The following ARHGEF12 variants were observed in gnomAD, a reference collection of about 807,000 sequenced individuals.
ARHGEF12 encodes Rho guanine nucleotide exchange factor 12, also known as KMT2A/ARHGEF12 fusion protein.
Under a neutral mutation model 211.2 loss-of-function variants are expected in ARHGEF12, and 66 were observed. That is an observed-to-expected ratio of 0.31 (90% confidence interval 0.26 to 0.38). The LOEUF (loss-of-function observed/expected upper bound fraction) is 0.38, where lower values mean the gene tolerates loss of function less well. ARHGEF12 is among the 10% of genes least tolerant of loss of function. The pLI, the probability that ARHGEF12 is intolerant of heterozygous loss-of-function variation, is 1.00. For synonymous variants in ARHGEF12, 592 were observed against 638.4 expected, an observed-to-expected ratio of 0.93 and a Z score of 1.09; for missense variants, 1,429 against 1,869.5, an observed-to-expected ratio of 0.76 and a Z score of 4.34.
At chr11:120,445,343 C>T in intron 15 of ARHGEF12, 79 bp from the exon 16 acceptor site, 4 of 1,430,176 alleles carry the variant, frequency 2.8e-6, no homozygotes, top group Non-Finnish European at 3.9e-6. Flanking sequence ...AGTTGTATCC[C>T]CTTACTTTAC....
At chr11:120,436,331 T>A (rs1413598051) in intron 11 of ARHGEF12, among the ~76,000 whole-genome samples, 2 of 152,240 alleles carry the variant, frequency 1.3e-5, no homozygotes, top group African/African-American at 2.4e-5. Context: ...TTGAAAGTGC[T>A]GTTTTCTCTT....
intron 12 of ARHGEF12, chr11:120,439,908 C>A (rs1272703655): frequency 1.1e-5 from 5 of 467,358 alleles, no homozygotes; most frequent in Admixed American, 3.9e-5. Flanking sequence ...TTTTTCCCCC[C>A]AAAAAAAACT....
chr11:120,456,498 T>C (rs1028532048), intron 22 of ARHGEF12, among the ~76,000 whole-genome samples: 11 of 152,220 alleles, frequency 7.2e-5, no homozygotes, highest in Middle Eastern at 3.4e-3. Context: ...GAAATAGATA[T>C]TAACTAAAGA....
chr11:120,442,345 AC>A, intron 15 of ARHGEF12, 143 bp downstream of exon 15: 1 of 536,598 alleles, frequency 1.9e-6, no homozygotes, highest in East Asian at 3.9e-5. Context: ...ATTACTCTAG[AC>A]TTTTTTTTTT....
intron 1 of ARHGEF12, among the ~76,000 whole-genome samples, chr11:120,348,045 T>C (rs1942820797): frequency 6.6e-6 from 1 of 152,196 alleles, no homozygotes; most frequent in Non-Finnish European, 1.5e-5. Context: ...TATATTAAAG[T>C]AGTCTTTATA....
At chr11:120,406,793 CGT>C (rs1944718749) in intron 2 of ARHGEF12, among the ~76,000 whole-genome samples, 1 of 152,044 alleles carries the variant, frequency 6.6e-6, no homozygotes, top group Non-Finnish European at 1.5e-5. Flanking sequence ...CTCCTGACCT[CGT>C]GATTCGCCCG....
chr11:120,345,368 A>G (rs957320625), intron 1 of ARHGEF12, among the ~76,000 whole-genome samples: 1 of 152,208 alleles, frequency 6.6e-6, no homozygotes, highest in Non-Finnish European at 1.5e-5. Flanking sequence ...ACAAAACACT[A>G]TATTGCTTTG....
intron 29 of ARHGEF12, among the ~76,000 whole-genome samples, chr11:120,467,820 C>T (rs1423992409): frequency 6.6e-6 from 1 of 152,214 alleles, no homozygotes; most frequent in East Asian, 1.9e-4. Context: ...CGGGGTATAT[C>T]AAACTATGAA....
Position 120,336,953 on chromosome 11 carries a change from T to A in ARHGEF12, c.-291T>A. ...CCCACTGCGCGCGGATTTCCCTCTC[T>A]GAGGAAGTTTATCCTTGTGCCTTCT... On this transcript the variant is annotated 5_prime_UTR_variant, in exon 1 of 41. Coordinates refer to ENST00000397843, the MANE Select transcript of ARHGEF12 (RefSeq NM_015313.3). The A allele has an allele frequency of 2.2e-6, 1 of 448,864 alleles. No individual in the cohort carries two copies. The highest frequency in any genetic ancestry group is 5.3e-5 in the South Asian group (1 of 18,966). The allele number at this position is 448,864 out of a possible 1,614,324, so 27.8% of individuals were successfully genotyped here. A position where few individuals can be genotyped will look rare whatever the true frequency, so the allele number is the denominator to read the frequency against.
At chr11:120,351,489 A>G in intron 1 of ARHGEF12, among the ~76,000 whole-genome samples, 1 of 97,970 alleles carries the variant, frequency 1.0e-5, no homozygotes, top group Non-Finnish European at 1.9e-5. Context: ...TTTGAGACAA[A>G]GTCTCGCTCT....
intron 15 of ARHGEF12, 96 bp from the exon 16 acceptor site, chr11:120,445,326 G>A: frequency 8.7e-7 from 1 of 1,143,394 alleles, no homozygotes; most frequent in Admixed American, 1.7e-5. Flanking sequence ...TGTAGAGTGG[G>A]TATCCAAGTT....
chr11:120,436,101 G>A (rs938673544), intron 11 of ARHGEF12, among the ~76,000 whole-genome samples: 6 of 152,084 alleles, frequency 3.9e-5, no homozygotes, highest in African/African-American at 1.4e-4. Flanking sequence ...CAAGTGGGAA[G>A]GGTATATGTG....
chr11:120,459,952 C>T (rs1381906999), intron 26 of ARHGEF12, among the ~76,000 whole-genome samples: 7 of 152,174 alleles, frequency 4.6e-5, no homozygotes, highest in Non-Finnish European at 2.9e-5. Context: ...AAGTGATCCA[C>T]CCGCCTGCCT....
intron 20 of ARHGEF12, 32 bp from the exon 21 acceptor site, chr11:120,449,077 C>G: frequency 6.4e-7 from 1 of 1,570,594 alleles, no homozygotes; most frequent in Non-Finnish European, 8.7e-7. Flanking sequence ...TACTCTGTTA[C>G]GTATCTCTTA....
intron 1 of ARHGEF12, among the ~76,000 whole-genome samples, chr11:120,388,429 A>G (rs191804857): frequency 1.2e-4 from 18 of 152,338 alleles, no homozygotes; most frequent in Admixed American, 1.0e-3. Flanking sequence ...TGCTTTGGAC[A>G]TTCATGTACA....
At chr11:120,428,396 A>G in intron 8 of ARHGEF12, 149 bp downstream of exon 8, 1 of 680,196 alleles carries the variant, frequency 1.5e-6, no homozygotes, top group African/African-American at 1.9e-5. Flanking sequence ...ACATAATAGG[A>G]ATGATTAGAA....
intron 15 of ARHGEF12, among the ~76,000 whole-genome samples, chr11:120,443,649 T>C (rs752522657): frequency 4.7e-4 from 71 of 152,308 alleles, no homozygotes; most frequent in Non-Finnish European, 2.2e-4. Context: ...CCCTTTCACT[T>C]TGTCACTTTT....
chr11:120,341,799 A>G (rs779091771), intron 1 of ARHGEF12, among the ~76,000 whole-genome samples: 1 of 152,204 alleles, frequency 6.6e-6, no homozygotes, highest in Non-Finnish European at 1.5e-5. Flanking sequence ...CCTGAGCTTT[A>G]TTTGAAGACA....
intron 1 of ARHGEF12, among the ~76,000 whole-genome samples, chr11:120,371,996 GA>G (rs1257661205): frequency 6.6e-6 from 1 of 152,190 alleles, no homozygotes; most frequent in African/African-American, 2.4e-5. Flanking sequence ...GATTTCTTTG[GA>G]AAAACTAAAC....
Sources: allele counts gnomAD v4.1 joint callset (sites outside exome capture counted in the v4.1 genomes callset), GRCh38; gene constraint gnomAD v4.1.1; transcripts MANE v1.5; gene names NCBI Gene and HGNC (gene_info 2026-07-23, HGNC 2026-07-21).